SFI1: variants seen among roughly 807,000 people sequenced by gnomAD.
The protein encoded by SFI1 is protein SFI1 homolog.
A neutral mutation model predicts 207.5 loss-of-function variants in SFI1; 195 were observed. The ratio of observed to expected loss-of-function variants is 0.94; its 90% CI spans 0.84 to 1.06. The LOEUF is 1.06. Among genes scored for constraint, SFI1 ranks in the 50% least tolerant of loss-of-function variants. The pLI is 0.00. For synonymous variants in SFI1, 630 were observed against 598.9 expected, an observed-to-expected ratio of 1.05 and a Z score of -0.76; for missense variants, 1,634 against 1,588.0, an observed-to-expected ratio of 1.03 and a Z score of -0.49.
At chr22:31,561,971 GA>G (rs913864028) in intron 8 of SFI1, among the ~76,000 whole-genome samples, 88 of 149,686 alleles carry the variant, frequency 5.9e-4, no homozygotes, top group African/African-American at 1.7e-3. Context: ...CAGAGAAGAG[GA>G]AAAAAAAAAT....
intron 7 of SFI1, among the ~76,000 whole-genome samples, chr22:31,558,666 G>T (rs1412537943): frequency 1.3e-5 from 2 of 151,874 alleles, no homozygotes; most frequent in African/African-American, 4.8e-5. Context: ...TTTACTAGAG[G>T]CAGGGTTTCA....
At chr22:31,500,456 ATTTATT>A (rs928412796) in intron 1 of SFI1, among the ~76,000 whole-genome samples, 3 of 152,024 alleles carry the variant, frequency 2.0e-5, no homozygotes, top group Non-Finnish European at 4.4e-5. Context: ...AGGTGTTTTT[ATTTATT>A]TTTATTTTTA....
At chr22:31,575,799 T>C (rs1429940975) in intron 10 of SFI1, among the ~76,000 whole-genome samples, 1 of 152,224 alleles carries the variant, frequency 6.6e-6, no homozygotes, top group African/African-American at 2.4e-5. Context: ...TTTTTCTTGG[T>C]GATACCATCA....
intron 2 of SFI1, among the ~76,000 whole-genome samples, chr22:31,519,926 C>T (rs1033410659): frequency 1.1e-4 from 17 of 151,642 alleles, no homozygotes; most frequent in African/African-American, 3.2e-4. Flanking sequence ...GGTTATGACA[C>T]TGGCTAATTT....
chr22:31,513,333 A>AT (rs2146803885), intron 2 of SFI1, among the ~76,000 whole-genome samples: 1 of 151,716 alleles, frequency 6.6e-6, no homozygotes, highest in East Asian at 2.0e-4. Context: ...GAATTTTTGT[A>AT]TTTTTTGTAG....
intron 8 of SFI1, 36 bp downstream of exon 8, chr22:31,561,428 T>A: frequency 2.5e-6 from 4 of 1,568,986 alleles, no homozygotes; most frequent in Non-Finnish European, 3.5e-6. Context: ...GCATCCTCTG[T>A]CAGTGTTGTC....
At chr22:31,609,807 T>C (rs781047322) in intron 22 of SFI1, among the ~76,000 whole-genome samples, 1 of 152,270 alleles carries the variant, frequency 6.6e-6, no homozygotes, top group Non-Finnish European at 1.5e-5. Context: ...GACCTTGGGC[T>C]CTGGAGCTTC....
intron 15 of SFI1, among the ~76,000 whole-genome samples, chr22:31,594,004 G>C (rs2066636122): frequency 1.1e-4 from 9 of 81,508 alleles, no homozygotes; most frequent in South Asian, 5.0e-4. Context: ...GAGGGAGAGG[G>C]ACAGGGAGAG....
At chr22:31,611,004 G>A in intron 22 of SFI1, 139 bp from the exon 23 acceptor site, 1 of 1,115,098 alleles carries the variant, frequency 9.0e-7, no homozygotes, top group Non-Finnish European at 1.3e-6. Flanking sequence ...CATGGTCCAT[G>A]TGTGGTAGTT....
Position 31,606,368 on chromosome 22 carries a change from G to A in SFI1, c.2095G>A (p.Val699Met), listed in dbSNP as rs1363425300. ...CTGGAAAGAGAACACCATGGCCCGA[G>A]TGGATGAAGCCAAAAAAACCTTTCA... is the stretch of plus-strand genomic sequence containing the variant. ...RRWKENTMAR[V>M]DEAKKTFQAS... The change falls in exon 21 of 33, where the codon GTG becomes ATG. Residue 699 changes from valine (V) to methionine (M), a missense_variant. By Grantham distance (21) the Val-to-Met change is conservative. Transcript: ENST00000400288. 1.2e-6 allele frequency: 2 copies of A among 1,613,950 alleles called. No individual in the cohort carries two copies. The highest frequency in any genetic ancestry group is 2.2e-5 in the South Asian group (2 of 91,084).
intron 6 of SFI1, among the ~76,000 whole-genome samples, chr22:31,555,447 G>A (rs151070714): frequency 0.012 from 1,786 of 152,278 alleles, 10 homozygotes; most frequent in Middle Eastern, 0.031. Context: ...ACCTCAGGGA[G>A]TGTCCATTCA....
chr22:31,559,739 C>T lies in SFI1; in HGVS notation c.663-1551C>T, dbSNP rs1487549936. On this transcript the variant is annotated intron_variant, in intron 7 of 32. Coordinates refer to ENST00000400288, the MANE Select transcript of SFI1 (RefSeq NM_001007467.3). ...GATCCCAGACTGGTTCTTGAACAGA[C>T]GGAAGGATGTAAAGGATGGAAAATA... The T allele has an allele frequency of 3.6e-5, 30 of 835,608 alleles. No homozygotes were observed. In the East Asian group the frequency reaches 3.8e-4, roughly 10 times the overall value. The allele number at this position is 835,608 out of a possible 1,614,324, so 51.8% of individuals were successfully genotyped here.
chr22:31,573,009 C>T, intron 8 of SFI1, 49 bp from the exon 9 acceptor site: 1 of 1,593,928 alleles, frequency 6.3e-7, no homozygotes, highest in South Asian at 1.1e-5. Context: ...TGTACTTCAC[C>T]CTGTTTTCCT....
At chr22:31,554,632 C>T (rs5749302) in intron 6 of SFI1, among the ~76,000 whole-genome samples, 93,200 of 147,574 alleles carry the variant, frequency 0.63, 30,496 homozygotes, top group East Asian at 0.91. Context: ...TCAGATGGAG[C>T]CTCACTTTGT....
intron 7 of SFI1, among the ~76,000 whole-genome samples, chr22:31,557,782 G>C (rs1378807036): frequency 6.6e-6 from 1 of 152,136 alleles, no homozygotes; most frequent in Non-Finnish European, 1.5e-5. Flanking sequence ...GGCAAAACTA[G>C]GGCTCACCCA....
intron 2 of SFI1, among the ~76,000 whole-genome samples, chr22:31,514,389 T>C (rs1474982646): frequency 6.6e-6 from 1 of 150,698 alleles, no homozygotes; most frequent in African/African-American, 2.4e-5. Context: ...GCGCCTGTAG[T>C]CCCAGCTACT....
chr22:31,614,418 T>G (rs1960105386), intron 27 of SFI1: 1 of 406,662 alleles, frequency 2.5e-6, no homozygotes, highest in Non-Finnish European at 4.7e-6. Flanking sequence ...AGATGTCAGG[T>G]GGGTGCATGG....
intron 15 of SFI1, among the ~76,000 whole-genome samples, chr22:31,593,992 GA>G (rs1569421729): frequency 0.019 from 1,356 of 72,524 alleles, 13 homozygotes; most frequent in Middle Eastern, 0.042. Flanking sequence ...GGAGACGAGG[GA>G]GAGGGAGAGG....
chr22:31,502,673 C>G (rs1393136520), intron 1 of SFI1, among the ~76,000 whole-genome samples: 3 of 152,152 alleles, frequency 2.0e-5, no homozygotes, highest in African/African-American at 7.2e-5. Flanking sequence ...TGCGCCCGGC[C>G]AGGTTCAATT....
Sources: allele counts gnomAD v4.1 joint callset (sites outside exome capture counted in the v4.1 genomes callset), GRCh38; gene constraint gnomAD v4.1.1; transcripts MANE v1.5; gene names NCBI Gene and HGNC (gene_info 2026-07-23, HGNC 2026-07-21).